The following ARHGAP24 variants were observed in gnomAD, a reference collection of about 807,000 sequenced individuals.
ARHGAP24 encodes the protein Rho GTPase activating protein 24.
Under a neutral mutation model 76.4 loss-of-function variants are expected in ARHGAP24, and 50 were observed. That is an observed-to-expected ratio of 0.65 (90% CI 0.52 to 0.83). The LOEUF (loss-of-function observed/expected upper bound fraction) is 0.83, where lower values mean the gene tolerates loss of function less well. Ranked by LOEUF, ARHGAP24 falls within the 40% of genes least tolerant of loss-of-function variation. The pLI is 0.00. For missense variants in ARHGAP24, 930 were observed against 914.2 expected (o/e 1.02, Z -0.22); for synonymous variants, 345 against 323.3 (o/e 1.07, Z -0.72).
At chr4:85,878,252 A>G (rs1733045724) in intron 3 of ARHGAP24, among the ~76,000 whole-genome samples, 1 of 152,276 alleles carries the variant, frequency 6.6e-6, no homozygotes, top group Non-Finnish European at 1.5e-5. Flanking sequence ...TAAATTTTTT[A>G]AAGATCAATT....
At chr4:85,517,649 CAT>C (rs1724562695) in intron 1 of ARHGAP24, among the ~76,000 whole-genome samples, 1 of 151,952 alleles carries the variant, frequency 6.6e-6, no homozygotes, top group African/African-American at 2.4e-5. Flanking sequence ...TTTATATGAA[CAT>C]GCGTATAAAA....
chr4:85,504,407 A>G lies in ARHGAP24; in HGVS notation c.-21+28848A>G, dbSNP rs374334784. On this transcript the variant is annotated intron_variant, in intron 1 of 9. Coordinates refer to ENST00000395184, the MANE Select transcript of ARHGAP24 (RefSeq NM_001025616.3). ...TTTATGAATCAGGACGTGCTCCTCT[A>G]TTGGGTGCATATATATTTAGGATAG... 5.9e-5 allele frequency among the ~76,000 whole-genome samples: 9 copies of G among 152,284 alleles called. No individual in the cohort carries two copies. The East Asian group carries it at 1.3e-3, about 23-fold the overall frequency.
chr4:85,992,290 A>C, intron 8 of ARHGAP24: 1 of 391,714 alleles, frequency 2.6e-6, no homozygotes, highest in Non-Finnish European at 4.5e-6. Context: ...GTCTCTTTAC[A>C]AGGGGCTATG....
At chr4:85,706,965 A>G (rs1578158268) in intron 2 of ARHGAP24, among the ~76,000 whole-genome samples, 1 of 152,036 alleles carries the variant, frequency 6.6e-6, no homozygotes, top group South Asian at 2.1e-4. Flanking sequence ...ACCCAGCTAA[A>G]GTGCAGTCGT....
intron 2 of ARHGAP24, among the ~76,000 whole-genome samples, chr4:85,596,262 TC>T (rs1719833410): frequency 6.6e-6 from 1 of 152,024 alleles, no homozygotes; most frequent in Non-Finnish European, 1.5e-5. Context: ...TACTTTGCTA[TC>T]TTTTATGCTT....
chr4:85,702,531 A>G (rs1292019566), intron 2 of ARHGAP24, among the ~76,000 whole-genome samples: 2 of 152,204 alleles, frequency 1.3e-5, no homozygotes, highest in Non-Finnish European at 2.9e-5. Context: ...ACATATATTC[A>G]TATTTTATAG....
At chr4:85,495,500 G>A (rs561464553) in intron 1 of ARHGAP24, among the ~76,000 whole-genome samples, 4 of 140,968 alleles carry the variant, frequency 2.8e-5, no homozygotes, top group African/African-American at 5.0e-5. Flanking sequence ...ACAGGCGCCC[G>A]CCACCACGCC....
At chr4:85,964,098 C>T (rs916924887) in intron 5 of ARHGAP24, among the ~76,000 whole-genome samples, 3 of 152,014 alleles carry the variant, frequency 2.0e-5, no homozygotes, top group African/African-American at 7.2e-5. Context: ...AGTATGGATT[C>T]ATAAGCTGTT....
In ARHGAP24 at chr4:85,554,820, G is replaced by A. The variant is rs538624560; in HGVS notation, c.-20-15702G>A. 1.2e-3 allele frequency among the ~76,000 whole-genome samples: 164 copies of A among 138,470 alleles called. 2 individuals carry two copies. The highest frequency in any genetic ancestry group is 3.9e-3 in the African/African-American group (149 of 37,826). The allele number at this position is 138,470 out of a possible 152,430, so 90.8% of individuals were successfully genotyped here. On this transcript the variant is annotated intron_variant, in intron 1 of 9. Coordinates refer to ENST00000395184, the MANE Select transcript of ARHGAP24 (RefSeq NM_001025616.3). The stretch of plus-strand genomic sequence containing the variant: ...TGAGTAGCTGGGACTACAGGTGCCC[G>A]CTATCACGCCCAGCTGATTTTTTTT...
chr4:85,665,210 C>T (rs2109996161), intron 2 of ARHGAP24, among the ~76,000 whole-genome samples: 1 of 152,214 alleles, frequency 6.6e-6, no homozygotes, highest in Non-Finnish European at 1.5e-5. Flanking sequence ...GTATTGGGTG[C>T]ATATATATTT....
intron 3 of ARHGAP24, among the ~76,000 whole-genome samples, chr4:85,768,320 G>T (rs1727004249): frequency 6.6e-6 from 1 of 152,060 alleles, no homozygotes; most frequent in Admixed American, 6.5e-5. Context: ...AGGACTTAAG[G>T]AAACCATAAA....
intron 1 of ARHGAP24, among the ~76,000 whole-genome samples, chr4:85,481,534 T>C (rs544773437): frequency 2.0e-5 from 3 of 152,214 alleles, no homozygotes; most frequent in East Asian, 3.9e-4. Context: ...ACTACCAAGG[T>C]TGGCTAGTGA....
intron 2 of ARHGAP24, among the ~76,000 whole-genome samples, chr4:85,674,431 A>C (rs1260692437): frequency 6.6e-6 from 1 of 152,256 alleles, no homozygotes. Flanking sequence ...TATTTACCCC[A>C]GAATAATACA....
At chr4:85,529,559 CA>C (rs1312893036) in intron 1 of ARHGAP24, among the ~76,000 whole-genome samples, 3 of 151,968 alleles carry the variant, frequency 2.0e-5, no homozygotes, top group Non-Finnish European at 2.9e-5. Flanking sequence ...ATATTTTTGG[CA>C]GATAATTCTT....
At chr4:85,775,628 T>A (rs541095685) in intron 3 of ARHGAP24, among the ~76,000 whole-genome samples, 14 of 152,284 alleles carry the variant, frequency 9.2e-5, no homozygotes, top group African/African-American at 3.4e-4. Context: ...CACCTGGGAA[T>A]TATGGAGCTA....
At chr4:85,531,970 G>A (rs1444539682) in intron 1 of ARHGAP24, among the ~76,000 whole-genome samples, 2 of 152,020 alleles carry the variant, frequency 1.3e-5, no homozygotes, top group Non-Finnish European at 2.9e-5. Flanking sequence ...ACTCCTCAGG[G>A]TAAACTGTCT....
chr4:85,641,656 A>G (rs983453236), intron 2 of ARHGAP24, among the ~76,000 whole-genome samples: 2 of 152,220 alleles, frequency 1.3e-5, no homozygotes, highest in Admixed American at 6.5e-5. Context: ...GGTTCCCCCA[A>G]ATCTCTCTTT....
chr4:85,716,092 A>G (rs1040015512), intron 2 of ARHGAP24, among the ~76,000 whole-genome samples: 2 of 152,028 alleles, frequency 1.3e-5, no homozygotes, highest in Non-Finnish European at 2.9e-5. Flanking sequence ...ATGCTGGAAA[A>G]AAATCTCAAC....
intron 3 of ARHGAP24, among the ~76,000 whole-genome samples, chr4:85,891,428 G>A: frequency 8.9e-6 from 1 of 112,412 alleles, no homozygotes; most frequent in African/African-American, 3.6e-5. Flanking sequence ...GGGCATCCCT[G>A]TCTTGTGCCA....
Sources: gnomAD v4.1 joint callset for allele counts (sites outside exome capture counted in the v4.1 genomes callset) on GRCh38, gnomAD v4.1.1 for gene constraint, MANE v1.5 for transcripts, NCBI Gene and HGNC (gene_info 2026-07-23, HGNC 2026-07-21) for gene names.